Variants in SPEF2 observed in about 807,000 individuals in gnomAD.
SPEF2 encodes sperm flagella and cilia-associated protein 2.
Under a neutral mutation model 224.6 loss-of-function variants are expected in SPEF2, and 187 were observed. The observed-to-expected ratio is 0.83, with a 90% CI of 0.74 to 0.94. The LOEUF (loss-of-function observed/expected upper bound fraction) is 0.94. Ranked by LOEUF, SPEF2 falls within the 40% of genes least tolerant of loss-of-function variation. The pLI, the probability that SPEF2 is intolerant of heterozygous loss-of-function variation, is 0.00. For synonymous variants in SPEF2, 715 were observed against 707.3 expected (o/e 1.01, Z -0.17); for missense variants, 2,170 against 2,135.6 (o/e 1.02, Z -0.32).
At chr5:35,658,072 T>C (rs1390138330) in intron 7 of SPEF2, among the ~76,000 whole-genome samples, 1 of 152,176 alleles carries the variant, frequency 6.6e-6, no homozygotes, top group Non-Finnish European at 1.5e-5. Context: ...ACCTCCTCTT[T>C]CCACATGATG....
At chr5:35,657,812 T>G (rs933608928) in intron 7 of SPEF2, among the ~76,000 whole-genome samples, 17 of 152,184 alleles carry the variant, frequency 1.1e-4, no homozygotes, top group Non-Finnish European at 1.9e-4. Context: ...TTGCCCCAAG[T>G]CAGTTACCTC....
intron 1 of SPEF2, among the ~76,000 whole-genome samples, chr5:35,625,085 C>T (rs952879569): frequency 2.0e-5 from 3 of 151,634 alleles, no homozygotes; most frequent in African/African-American, 7.3e-5. Flanking sequence ...TTGCTTTTAT[C>T]ATTTGCTGTA....
At chr5:35,719,632 T>A (rs1743248104) in intron 20 of SPEF2, among the ~76,000 whole-genome samples, 1 of 152,022 alleles carries the variant, frequency 6.6e-6, no homozygotes, top group Non-Finnish European at 1.5e-5. Flanking sequence ...TAGTGACTTT[T>A]TTTTTTTGAG....
chr5:35,772,952 G>A (rs1753080513), intron 27 of SPEF2, among the ~76,000 whole-genome samples: 1 of 152,196 alleles, frequency 6.6e-6, no homozygotes. Flanking sequence ...ATAGAGCTAT[G>A]TAAATGGGCC....
At chr5:35,666,427 C>T (rs960813735) in intron 8 of SPEF2, among the ~76,000 whole-genome samples, 1 of 152,132 alleles carries the variant, frequency 6.6e-6, no homozygotes, top group Admixed American at 6.6e-5. Flanking sequence ...AGGGCGATAA[C>T]AAGCTAAGTG....
intron 8 of SPEF2, among the ~76,000 whole-genome samples, chr5:35,660,138 A>G (rs1205108980): frequency 2.0e-5 from 3 of 151,972 alleles, no homozygotes; most frequent in Non-Finnish European, 4.4e-5. Context: ...TTTGTCCCAA[A>G]CTTTATGTAT....
intron 27 of SPEF2, among the ~76,000 whole-genome samples, chr5:35,773,105 G>C (rs749354277): frequency 7.9e-5 from 12 of 152,148 alleles, no homozygotes; most frequent in African/African-American, 1.7e-4. Flanking sequence ...TTAGCCAGGA[G>C]CAGTGCCTCA....
At chr5:35,728,285 A>T (rs1388862331) in intron 21 of SPEF2, among the ~76,000 whole-genome samples, 1 of 152,226 alleles carries the variant, frequency 6.6e-6, no homozygotes, top group Non-Finnish European at 1.5e-5. Context: ...CTGACCTGGG[A>T]ACGTTAATGG....
intron 34 of SPEF2, among the ~76,000 whole-genome samples, chr5:35,802,896 T>C (rs571691974): frequency 2.6e-5 from 4 of 152,300 alleles, no homozygotes; most frequent in African/African-American, 9.6e-5. Context: ...CTGGCTTCAC[T>C]AAGTCAGGAT....
chr5:35,756,198 C>T (rs1197300066), intron 24 of SPEF2, among the ~76,000 whole-genome samples: 1 of 152,176 alleles, frequency 6.6e-6, no homozygotes, highest in Non-Finnish European at 1.5e-5. Flanking sequence ...AGTGTATCCA[C>T]CCTGTAGATG....
At chr5:35,773,748 G>T in intron 27 of SPEF2, 145 bp from the exon 28 acceptor site, 1 of 915,184 alleles carries the variant, frequency 1.1e-6, no homozygotes, top group Non-Finnish European at 1.5e-6. Flanking sequence ...CATCACAGAT[G>T]CTGGGAGGAC....
At chr5:35,661,254 TTATATATA>T (rs550178866) in intron 8 of SPEF2, among the ~76,000 whole-genome samples, 2,732 of 93,682 alleles carry the variant, frequency 0.029, 73 homozygotes, top group East Asian at 0.068. Flanking sequence ...TTGGTATATA[TTATATATA>T]TATATATATA....
chr5:35,694,234 T>G (rs1414045960), intron 12 of SPEF2, 54 bp from the exon 13 acceptor site: 1 of 1,354,060 alleles, frequency 7.4e-7, no homozygotes, highest in Non-Finnish European at 1.0e-6. Flanking sequence ...TTAGGAGGAT[T>G]ATTAAAATAT....
At position 35,740,137 on chromosome 5, in the gene SPEF2, T is replaced by G; in HGVS notation, c.3200T>G (p.Phe1067Cys). ...TCTATTAATGTCTACAGAACAAGTT[T>G]CCAGGAGTTTCTAAAGCGTCCGGAT... is the stretch of plus-strand genomic sequence containing the variant. ...LAYLYEIRTS[F>C]QEFLKRPDHK... Residue 1067 changes from phenylalanine (F) to cysteine (C), a missense_variant, in exon 23 of 37, where the codon TTC becomes TGC. Transcript: ENST00000356031. 6.2e-7 allele frequency: 1 copy of G among 1,614,144 alleles called. No individual in the cohort carries two copies.
At chr5:35,625,727 G>A (rs531716147) in intron 1 of SPEF2, among the ~76,000 whole-genome samples, 1 of 152,278 alleles carries the variant, frequency 6.6e-6, no homozygotes, top group Non-Finnish European at 1.5e-5. Flanking sequence ...ACAGAAGAAA[G>A]CAACAGACAG....
chr5:35,654,775 A>G, intron 7 of SPEF2, 49 bp downstream of exon 7: 1 of 1,523,482 alleles, frequency 6.6e-7, no homozygotes, highest in Middle Eastern at 1.7e-4. Flanking sequence ...AATTCTACAA[A>G]ATGTAGTCTT....
At chr5:35,651,764 T>C (rs1302175447) in intron 6 of SPEF2, among the ~76,000 whole-genome samples, 1 of 152,198 alleles carries the variant, frequency 6.6e-6, no homozygotes, top group Non-Finnish European at 1.5e-5. Flanking sequence ...GCTGCCTTTT[T>C]CATAGCCTGC....
chr5:35,661,300 T>TATATATATA (rs1749707603), intron 8 of SPEF2, among the ~76,000 whole-genome samples: 1 of 117,600 alleles, frequency 8.5e-6, no homozygotes, highest in Non-Finnish European at 1.8e-5. Flanking sequence ...ATATATATAT[T>TATATATATA]ATACACACAT....
intron 2 of SPEF2, among the ~76,000 whole-genome samples, chr5:35,639,316 G>C (rs569501593): frequency 1.3e-5 from 2 of 152,156 alleles, no homozygotes; most frequent in East Asian, 3.9e-4. Flanking sequence ...TCAATTCTTG[G>C]AACAGCCCAT....
Sources: gnomAD v4.1 joint callset for allele counts (sites outside exome capture counted in the v4.1 genomes callset) on GRCh38, gnomAD v4.1.1 for gene constraint, MANE v1.5 for transcripts, NCBI Gene and HGNC (gene_info 2026-07-23, HGNC 2026-07-21) for gene names.